Variants in ADAM12 observed in about 807,000 individuals in gnomAD.
ADAM12 encodes ADAM metallopeptidase domain 12.
A neutral mutation model predicts 106.4 loss-of-function variants in ADAM12; 70 were observed. The observed-to-expected ratio is 0.66, with a 90% CI of 0.54 to 0.80. ADAM12 has a LOEUF of 0.80. ADAM12 is among the 30% of genes least tolerant of loss of function. The probability of loss-of-function intolerance (pLI) is 0.00; values close to 1 mark genes in which losing one functional copy is unlikely to be tolerated. For synonymous variants in ADAM12, 420 were observed against 433.5 expected (o/e 0.97, Z 0.39); for missense variants, 1,010 against 1,171.9 (o/e 0.86, Z 2.02).
intron 3 of ADAM12, among the ~76,000 whole-genome samples, chr10:126,177,242 T>G (rs1435090900): frequency 1.3e-5 from 2 of 151,156 alleles, no homozygotes; most frequent in Non-Finnish European, 2.9e-5. Context: ...AAGATAACAT[T>G]AGATTGTAAA....
At chr10:126,331,269 C>T (rs1854502548) in intron 1 of ADAM12, among the ~76,000 whole-genome samples, 2 of 152,148 alleles carry the variant, frequency 1.3e-5, no homozygotes, top group Non-Finnish European at 2.9e-5. Flanking sequence ...TGAGGTCATG[C>T]TCCTGCTATT....
chr10:126,226,038 T>A (rs992437328), intron 3 of ADAM12, among the ~76,000 whole-genome samples: 2 of 151,316 alleles, frequency 1.3e-5, no homozygotes, highest in Non-Finnish European at 2.9e-5. Context: ...ACAGGCATCT[T>A]ATGGGGGAAC....
chr10:126,365,018 T>C (rs1460725939), intron 1 of ADAM12, among the ~76,000 whole-genome samples: 2 of 152,160 alleles, frequency 1.3e-5, no homozygotes, highest in African/African-American at 4.8e-5. Flanking sequence ...CCTGGATGTG[T>C]CTACAGCACA....
chr10:126,106,411 C>A (rs1955768568), intron 8 of ADAM12, among the ~76,000 whole-genome samples: 4 of 151,992 alleles, frequency 2.6e-5, no homozygotes, highest in Admixed American at 2.6e-4. Context: ...CTCTCTCAAT[C>A]CTTGTCCTTC....
At chr10:126,040,674 G>C (rs1413581536) in intron 18 of ADAM12, among the ~76,000 whole-genome samples, 1 of 152,206 alleles carries the variant, frequency 6.6e-6, no homozygotes, top group Non-Finnish European at 1.5e-5. Context: ...GGGGGCTCTA[G>C]CTAGAGTTCT....
chr10:126,338,220 C>A, intron 1 of ADAM12, among the ~76,000 whole-genome samples: 1 of 148,668 alleles, frequency 6.7e-6, no homozygotes, highest in African/African-American at 2.5e-5. Flanking sequence ...CTGTGGGGAG[C>A]AAAGTCACTT....
Position 126,073,551 on chromosome 10 carries a change from AG to A in ADAM12, c.1146-1898del, listed in dbSNP as rs1955042644. 3.9e-5 allele frequency among the ~76,000 whole-genome samples: 6 copies of A among 152,000 alleles called. No homozygotes were observed. The South Asian group carries it at 1.2e-3, about 32-fold the overall frequency. ...GAGTCTTTTGATCCTCTCCTTTCCC[AG>A]TGTCTGTTGTTCCCTTCTTTGCATC... On this transcript the variant is annotated intron_variant, in intron 11 of 22. Coordinates refer to ENST00000448723, the MANE Select transcript of ADAM12 (RefSeq NM_001288973.2).
intron 5 of ADAM12, among the ~76,000 whole-genome samples, chr10:126,129,927 T>C (rs1004187214): frequency 2.6e-5 from 4 of 152,216 alleles, no homozygotes; most frequent in Non-Finnish European, 5.9e-5. Flanking sequence ...AACTTGTTAA[T>C]TCCCTCCTTC....
intron 22 of ADAM12, 126 bp downstream of exon 22, chr10:126,019,569 C>T (rs967606262): frequency 6.4e-6 from 8 of 1,253,324 alleles, no homozygotes; most frequent in Non-Finnish European, 8.7e-6. Flanking sequence ...TTACGGTATT[C>T]CCAGTTGTAG....
At chr10:126,208,607 C>T (rs936200646) in intron 3 of ADAM12, among the ~76,000 whole-genome samples, 5 of 152,212 alleles carry the variant, frequency 3.3e-5, no homozygotes, top group East Asian at 1.9e-4. Flanking sequence ...AGCTGACTGG[C>T]CATCAGGAAA....
intron 4 of ADAM12, among the ~76,000 whole-genome samples, chr10:126,140,671 T>C (rs996921184): frequency 2.6e-5 from 4 of 152,240 alleles, no homozygotes; most frequent in Non-Finnish European, 5.9e-5. Flanking sequence ...GAACTCCAAA[T>C]TCTAGATTTT....
At chr10:126,102,177 C>T (rs116283678) in intron 8 of ADAM12, among the ~76,000 whole-genome samples, 7,609 of 152,106 alleles carry the variant, frequency 0.05, 649 homozygotes, top group African/African-American at 0.17. Context: ...ACCCATTGTC[C>T]TCATAGGCAT....
rs1405613101 is a variant in ADAM12, at chr10:126,330,459, C to CAG, written c.137_138dup (p.Val47LeufsTer11). The CAG allele has an allele frequency of 6.2e-7, 1 of 1,613,818 alleles. No individual in the cohort carries two copies. Among genetic ancestry groups the CAG allele is most frequent in the Non-Finnish European group, 8.5e-7 (1 of 1,180,020 alleles). On this transcript the variant is annotated frameshift_variant, in exon 2 of 23. Coordinates refer to ENST00000448723, the MANE Select transcript of ADAM12 (RefSeq NM_001288973.2). LOFTEE classifies it high-confidence loss of function. ...GGGATCCAGAGGTCCCCACTCCCAA[C>CAG]AGAGGCACTGACAACTTCATCAGCT...
rs527922147 is a variant in ADAM12 at position 126,158,631 on chromosome 10, C to T, written c.261-3326G>A. Among the ~76,000 whole-genome samples, 6 of 27,152 alleles carry T rather than the reference C, an allele frequency of 2.2e-4. No individual in the cohort carries two copies. The South Asian group carries it at 6.4e-3, about 29-fold the overall frequency. 17.8% of individuals were successfully genotyped at this position (27,152 alleles called of 152,430 possible). ...CGGGGAGGATGCAGAGAGCATGGGG[C>T]GGGGATGCACAGAGCATGGGTTGGG... is the stretch of plus-strand genomic sequence containing the variant. On this transcript the variant is annotated intron_variant, in intron 3 of 22. Coordinates refer to ENST00000448723, the MANE Select transcript of ADAM12 (RefSeq NM_001288973.2).
At chr10:126,104,222 G>A (rs1482523333) in intron 8 of ADAM12, among the ~76,000 whole-genome samples, 1 of 152,172 alleles carries the variant, frequency 6.6e-6, no homozygotes, top group Non-Finnish European at 1.5e-5. Flanking sequence ...GGCTGAGGCA[G>A]GCAGATCACT....
At position 126,209,105 on chromosome 10, in the gene ADAM12, C is replaced by T. The variant is rs372464566; in HGVS notation, c.261-53800G>A. 1.4e-4 allele frequency among the ~76,000 whole-genome samples: 22 copies of T among 152,310 alleles called. No individual in the cohort carries two copies. In the East Asian group the frequency reaches 2.7e-3, roughly 19 times the overall value. On this transcript the variant is annotated intron_variant, in intron 3 of 22. Transcript: ENST00000448723. ...ATTCCAAAGGAAAGAAGAACGCTGT[C>T]AATTCACTGTTGGGAATCTTGGCAG...
chr10:126,025,337 T>C (rs1278395349), intron 21 of ADAM12, among the ~76,000 whole-genome samples: 2 of 152,116 alleles, frequency 1.3e-5, no homozygotes, highest in Non-Finnish European at 2.9e-5. Flanking sequence ...CAAAATAGTT[T>C]AGAGAGGAAC....
chr10:126,135,499 A>G, intron 5 of ADAM12, 85 bp downstream of exon 5: 2 of 1,342,956 alleles, frequency 1.5e-6, no homozygotes, highest in South Asian at 2.4e-5. Context: ...ACTCACTCTC[A>G]GTGCTTTAGC....
intron 2 of ADAM12, among the ~76,000 whole-genome samples, chr10:126,322,837 G>A (rs1384281383): frequency 2.6e-5 from 4 of 152,170 alleles, no homozygotes; most frequent in African/African-American, 9.7e-5. Context: ...TCTTTAAACA[G>A]CTGAGCTCCC....
Sources: gnomAD v4.1 joint callset for allele counts (sites outside exome capture counted in the v4.1 genomes callset) on GRCh38, gnomAD v4.1.1 for gene constraint, MANE v1.5 for transcripts, NCBI Gene and HGNC (gene_info 2026-07-23, HGNC 2026-07-21) for gene names.